The following GYPC variants were observed in gnomAD, a reference collection of about 807,000 sequenced individuals.
The protein encoded by GYPC is glycophorin-C.
GYPC carries 14 observed loss-of-function variants against 12.6 expected under a neutral mutation model. The ratio of observed to expected loss-of-function variants is 1.11; its 90% CI spans 0.74 to 1.74. The LOEUF (loss-of-function observed/expected upper bound fraction) is 1.74, where lower values mean the gene tolerates loss of function less well. Ranked by LOEUF, GYPC falls within the 40% of genes most tolerant of loss-of-function variation. The pLI, the probability that GYPC is intolerant of heterozygous loss-of-function variation, is 0.00. For synonymous variants in GYPC, 78 were observed against 62.1 expected (o/e 1.26, Z -1.20); for missense variants, 225 against 172.1 (o/e 1.31, Z -1.72).
At chr2:126,663,258 A>G (rs1453884515) in intron 1 of GYPC, among the ~76,000 whole-genome samples, 2 of 152,034 alleles carry the variant, frequency 1.3e-5, no homozygotes, top group Non-Finnish European at 2.9e-5. Flanking sequence ...GGATTGTCTC[A>G]ATCTCCTGAC....
intron 1 of GYPC, among the ~76,000 whole-genome samples, chr2:126,670,082 C>T (rs1682803726): frequency 6.6e-6 from 1 of 152,206 alleles, no homozygotes. Flanking sequence ...AGACGGTTCT[C>T]CTTTGAATTC....
At chr2:126,669,264 G>T (rs1470180170) in intron 1 of GYPC, among the ~76,000 whole-genome samples, 3 of 152,208 alleles carry the variant, frequency 2.0e-5, no homozygotes, top group African/African-American at 7.2e-5. Flanking sequence ...TACGTGCGCA[G>T]TGTTGCCTGG....
At chr2:126,684,634 G>A (rs1683236771) in intron 1 of GYPC, among the ~76,000 whole-genome samples, 1 of 152,188 alleles carries the variant, frequency 6.6e-6, no homozygotes, top group Non-Finnish European at 1.5e-5. Context: ...ATTTGTCCTT[G>A]TCGGTTACAC....
At position 126,668,099 on chromosome 2, in the gene GYPC, C is replaced by A. The variant is rs28387113; in HGVS notation, c.49+11787C>A. Among the ~76,000 whole-genome samples, 1,215 of 152,300 alleles carry A rather than the reference C, an allele frequency of 8.0e-3. 25 individuals are homozygous for A. The highest frequency in any genetic ancestry group is 0.028 in the African/African-American group (1,145 of 41,558). On this transcript the variant is annotated intron_variant, in intron 1 of 3. Transcript: ENST00000259254. ...TTAAGGCCACATCTTCCTGAACTTT[C>A]AAAAGAAGGGGTTCTTCACCTGGGA...
intron 1 of GYPC, among the ~76,000 whole-genome samples, chr2:126,661,769 T>A (rs1682543261): frequency 6.6e-6 from 1 of 152,198 alleles, no homozygotes; most frequent in South Asian, 2.1e-4. Context: ...CAGATGCCCC[T>A]TCTCTTATTG....
intron 2 of GYPC, 103 bp from the exon 3 acceptor site, chr2:126,693,761 C>T: frequency 1.2e-6 from 1 of 818,452 alleles, no homozygotes; most frequent in East Asian, 2.4e-5. Flanking sequence ...GACCCATTCT[C>T]AGAGCTGCTC....
intron 1 of GYPC, among the ~76,000 whole-genome samples, chr2:126,663,227 GT>G (rs1682584010): frequency 1.3e-5 from 2 of 152,064 alleles, no homozygotes; most frequent in Non-Finnish European, 2.9e-5. Context: ...TAGTAGAGAT[GT>G]GGTTTCACCT....
intron 1 of GYPC, among the ~76,000 whole-genome samples, chr2:126,677,263 GTGTGAGTGCA>G (rs1301068458): frequency 6.6e-6 from 1 of 151,988 alleles, no homozygotes. Flanking sequence ...GTGTATAAGT[GTGTGAGTGCA>G]TGTGAGAGTG....
chr2:126,693,400 T>A (rs1390046874), intron 2 of GYPC, among the ~76,000 whole-genome samples: 1 of 152,174 alleles, frequency 6.6e-6, no homozygotes, highest in African/African-American at 2.4e-5. Flanking sequence ...CCACTAGAAC[T>A]GTGAGCCAAA....
At chr2:126,658,002 C>T (rs11894065) in intron 1 of GYPC, 12,368 of 152,440 alleles carry the variant, frequency 0.081, 907 homozygotes, top group African/African-American at 0.2. Flanking sequence ...AGAGGACCCA[C>T]TTCCGCCAGG....
At chr2:126,674,998 T>C (rs1231379715) in intron 1 of GYPC, among the ~76,000 whole-genome samples, 1 of 152,226 alleles carries the variant, frequency 6.6e-6, no homozygotes, top group Admixed American at 6.5e-5. Flanking sequence ...GTATTGTGTC[T>C]GGCAGCTGTG....
Position 126,693,951 on chromosome 2 carries a change from A to G in GYPC, c.190+4A>G, listed in dbSNP as rs1309609828. The G allele has an allele frequency of 6.3e-7, 1 of 1,591,948 alleles. No individual in the cohort carries two copies. Among genetic ancestry groups the G allele is most frequent in the African/African-American group, 1.3e-5 (1 of 74,462 alleles). On this transcript the variant is annotated splice_donor_region_variant and intron_variant, in intron 3 of 3. Transcript: ENST00000259254. The stretch of plus-strand genomic sequence containing the variant: ...ATGGACATTGTCGTCATTGCAGGTG[A>G]GCTCTCATCACAGAGCCCTTCAAGC...
chr2:126,661,244 G>A (rs1682527403), intron 1 of GYPC, among the ~76,000 whole-genome samples: 1 of 152,098 alleles, frequency 6.6e-6, no homozygotes, highest in South Asian at 2.1e-4. Context: ...CCTGGGCTTG[G>A]TGAGGGGTGC....
intron 1 of GYPC, among the ~76,000 whole-genome samples, chr2:126,666,754 CACAT>C (rs1442328839): frequency 4.5e-4 from 64 of 143,452 alleles, no homozygotes; most frequent in African/African-American, 6.4e-4. Flanking sequence ...CACACACACA[CACAT>C]ATGCACGCAC....
At chr2:126,693,705 T>C (rs911351038) in intron 2 of GYPC, among the ~76,000 whole-genome samples, 159 bp from the exon 3 acceptor site, 6 of 152,156 alleles carry the variant, frequency 3.9e-5, no homozygotes, top group East Asian at 1.9e-4. Context: ...GGTCTGTGCA[T>C]CCCTGCTAGG....
At chr2:126,661,255 C>T (rs1267998589) in intron 1 of GYPC, among the ~76,000 whole-genome samples, 2 of 152,064 alleles carry the variant, frequency 1.3e-5, no homozygotes, top group African/African-American at 4.8e-5. Flanking sequence ...TGAGGGGTGC[C>T]TGCCTCGCCT....
intron 1 of GYPC, among the ~76,000 whole-genome samples, chr2:126,672,754 G>A (rs1682885812): frequency 6.6e-6 from 1 of 152,140 alleles, no homozygotes; most frequent in South Asian, 2.1e-4. Flanking sequence ...GGATAAGGGA[G>A]GTCTCGACCT....
At chr2:126,688,344 G>A (rs1427664677) in intron 1 of GYPC, among the ~76,000 whole-genome samples, 1 of 152,178 alleles carries the variant, frequency 6.6e-6, no homozygotes, top group Non-Finnish European at 1.5e-5. Flanking sequence ...ACTTTGAGGT[G>A]CATAGTGGTT....
rs1270081791 is a variant in GYPC, at chr2:126,696,193, A to G, written c.*51A>G. On this transcript the variant is annotated 3_prime_UTR_variant, in exon 4 of 4. Transcript: ENST00000259254. ...ATGCCTCCCCCATCTCCATCAGGAAAAATACACCCCATCGCCCAGCACCCC... is the reference window on the plus strand; with the variant it reads ...ATGCCTCCCCCATCTCCATCAGGAAGAATACACCCCATCGCCCAGCACCCC... 1 of 1,336,522 alleles carries G rather than the reference A, an allele frequency of 7.5e-7. No individual in the cohort carries two copies. The highest frequency in any genetic ancestry group is 1.1e-6 in the Non-Finnish European group (1 of 932,838). The allele number at this position is 1,336,522 out of a possible 1,614,324, so 82.8% of individuals were successfully genotyped here. A position where few individuals can be genotyped will look rare whatever the true frequency, so the allele number is the denominator to read the frequency against.
Sources: gnomAD v4.1 joint callset for allele counts (sites outside exome capture counted in the v4.1 genomes callset) on GRCh38, gnomAD v4.1.1 for gene constraint, MANE v1.5 for transcripts, NCBI Gene and HGNC (gene_info 2026-07-23, HGNC 2026-07-21) for gene names.